SYTL2: variants seen among roughly 807,000 people sequenced by gnomAD.
SYTL2 encodes synaptotagmin like 2, also known as synaptotagmin-like protein 2.
A neutral mutation model predicts 198.7 loss-of-function variants in SYTL2; 165 were observed. The observed-to-expected ratio is 0.83, with a 90% confidence interval of 0.73 to 0.94. SYTL2 has a LOEUF of 0.94. Ranked by LOEUF, SYTL2 falls within the 40% of genes least tolerant of loss-of-function variation. The probability of loss-of-function intolerance (pLI) is 0.00; values close to 1 mark genes in which losing one functional copy is unlikely to be tolerated. For synonymous variants in SYTL2, 966 were observed against 917.7 expected, an observed-to-expected ratio of 1.05 and a Z score of -0.95; for missense variants, 2,835 against 2,582.8, an observed-to-expected ratio of 1.10 and a Z score of -2.12.
At chr11:85,800,671 G>T (rs1381520163) in intron 1 of SYTL2, among the ~76,000 whole-genome samples, 1 of 152,040 alleles carries the variant, frequency 6.6e-6, no homozygotes, top group East Asian at 1.9e-4. Context: ...GAGTGGACTT[G>T]GAAAAAGTAT....
chr11:85,748,099 G>T (rs2091280874), intron 3 of SYTL2, among the ~76,000 whole-genome samples, 173 bp downstream of exon 3: 1 of 152,128 alleles, frequency 6.6e-6, no homozygotes, highest in South Asian at 2.1e-4. Context: ...ACTTAGCTCT[G>T]CCCTCATCCA....
chr11:85,775,973 G>T (rs569805608), intron 1 of SYTL2, among the ~76,000 whole-genome samples: 33 of 152,158 alleles, frequency 2.2e-4, no homozygotes, highest in Non-Finnish European at 4.1e-4. Context: ...ATGGAGGTAC[G>T]GCCTAATGGC....
At chr11:85,825,001 G>A in the SYTL2 span, among the ~76,000 whole-genome samples, 1 of 152,230 alleles carries the variant, frequency 6.6e-6, no homozygotes, top group East Asian at 1.9e-4. Flanking sequence ...TGGATCATTA[G>A]TGCATTGCCC....
At chr11:85,744,295 A>G (rs2091003137) in intron 4 of SYTL2, among the ~76,000 whole-genome samples, 1 of 152,170 alleles carries the variant, frequency 6.6e-6, no homozygotes, top group South Asian at 2.1e-4. Flanking sequence ...TATTAATATT[A>G]TTGTTCCCAT....
At chr11:85,811,872 A>C (rs184360795), upstream of SYTL2, among the ~76,000 whole-genome samples, 2 of 152,144 alleles carry the variant, frequency 1.3e-5, no homozygotes, top group African/African-American at 4.8e-5. Flanking sequence ...AGGCCGAGGC[A>C]GGTGGATAAC....
At chr11:85,846,321 C>G in the SYTL2 span, among the ~76,000 whole-genome samples, 1 of 152,188 alleles carries the variant, frequency 6.6e-6, no homozygotes, top group African/African-American at 2.4e-5. Flanking sequence ...CTCTTGCTTA[C>G]AGTAGTCATA....
At position 85,725,350 on chromosome 11, in the gene SYTL2, A is replaced by G. The variant is rs758226715; in HGVS notation, c.4008T>C (p.Asp1336=). 9 of 1,613,850 alleles carry G rather than the reference A, an allele frequency of 5.6e-6. No individual in the cohort carries two copies. The highest frequency in any genetic ancestry group is 1.1e-5 in the South Asian group (1 of 91,062). Residue 1336 remains aspartate, a synonymous_variant, in exon 8 of 20, where the codon GAT becomes GAC. Coordinates refer to ENST00000359152, the MANE Select transcript of SYTL2 (RefSeq NM_206927.4). ...SPPQDMLFPQ[D]AHLVPQARVH... ...CCCTAGCCTGGGGAACAAGATGAGC[A>G]TCCTGGGGAAAAAGCATATCTTGGG...
chr11:85,734,447 A>G lies in SYTL2; in HGVS notation c.882T>C (p.Phe294=). 6.2e-7 allele frequency: 1 copy of G among 1,614,210 alleles called. No homozygotes were observed. Among genetic ancestry groups the G allele is most frequent in the Non-Finnish European group, 8.5e-7 (1 of 1,180,032 alleles). ...DSETLRYNHN[F]EPKSKIVSPG... The stretch of plus-strand genomic sequence containing the variant: ...GTGACACAATTTTGCTTTTGGGTTC[A>G]AAGTTGTGATTATAACGAAGGGTTT... The change falls in exon 7 of 20, where the codon TTT becomes TTC. Residue 294 remains phenylalanine (F), a synonymous_variant. Transcript: ENST00000359152.
chr11:85,774,378 G>C (rs1163760005), intron 1 of SYTL2, among the ~76,000 whole-genome samples: 2 of 152,144 alleles, frequency 1.3e-5, no homozygotes, highest in Non-Finnish European at 2.9e-5. Context: ...TTGCTTCCAA[G>C]TAACACAGTT....
rs139032989 is a variant in SYTL2 at position 85,758,022 on chromosome 11, A to C, written c.-297T>G. The C allele has an allele frequency of 1.8e-5, 6 of 327,710 alleles. No individual in the cohort carries two copies. Among genetic ancestry groups the C allele is most frequent in the African/African-American group, 1.2e-4 (6 of 48,012 alleles). The allele number at this position is 327,710 out of a possible 1,614,324, so 20.3% of individuals were successfully genotyped here. Reference sequence around the variant, plus strand: ...TTGTTCCTATGGTGGCTTCCAGCACACTCACTCTCTGGTCCAGTCTTAGAC... The same window carrying C: ...TTGTTCCTATGGTGGCTTCCAGCACCCTCACTCTCTGGTCCAGTCTTAGAC... On this transcript the variant is annotated 5_prime_UTR_variant, in exon 2 of 20. Coordinates refer to ENST00000359152, the MANE Select transcript of SYTL2 (RefSeq NM_206927.4).
upstream of SYTL2, among the ~76,000 whole-genome samples, chr11:85,813,855 T>G (rs1228566450): frequency 6.6e-6 from 1 of 152,152 alleles, no homozygotes; most frequent in African/African-American, 2.4e-5. Flanking sequence ...TCCAGGTAGC[T>G]GGGACTACAA....
chr11:85,780,699 A>C (rs923393755), intron 1 of SYTL2, among the ~76,000 whole-genome samples: 1 of 152,208 alleles, frequency 6.6e-6, no homozygotes, highest in Non-Finnish European at 1.5e-5. Context: ...CTTTATAATA[A>C]ACTGGTAAAT....
At chr11:85,770,278 T>C (rs2092328826) in intron 1 of SYTL2, among the ~76,000 whole-genome samples, 1 of 152,168 alleles carries the variant, frequency 6.6e-6, no homozygotes, top group Non-Finnish European at 1.5e-5. Context: ...AAACCAATCA[T>C]TGCCAGACTG....
At chr11:85,811,181 C>A (rs1181314397), upstream of SYTL2, 1 of 152,126 alleles carries the variant, frequency 6.6e-6, no homozygotes, top group Non-Finnish European at 1.5e-5. Context: ...TCCCCGCTAC[C>A]CCCGCCCCCG....
intron 11 of SYTL2, chr11:85,716,458 T>C (rs572117239): frequency 6.6e-6 from 1 of 152,290 alleles, no homozygotes; most frequent in African/African-American, 2.4e-5. Context: ...ATAAGCAAAG[T>C]TTCAGGTTTC....
In SYTL2 at chr11:85,789,396, AT is replaced by A. The variant is rs2092698251; in HGVS notation, c.-390+21557del. Among the ~76,000 whole-genome samples, 17 of 92,718 alleles carry A rather than the reference AT, an allele frequency of 1.8e-4. 2 individuals are homozygous for A. The highest frequency in any genetic ancestry group is 8.8e-4 in the African/African-American group (17 of 19,274). 60.8% of individuals were successfully genotyped at this position (92,718 alleles called of 152,430 possible). On this transcript the variant is annotated intron_variant, in intron 1 of 19. Transcript: ENST00000359152. The stretch of plus-strand genomic sequence containing the variant: ...TATATATGTATATATATATATATAT[AT>A]ATAATTTTTTTTTTTTTTGTAGAGA...
chr11:85,798,161 T>C (rs772582642), intron 1 of SYTL2, among the ~76,000 whole-genome samples: 11 of 152,132 alleles, frequency 7.2e-5, no homozygotes, highest in East Asian at 1.9e-4. Flanking sequence ...ACCCAGCCTA[T>C]ACCCACTGAT....
the SYTL2 span, among the ~76,000 whole-genome samples, chr11:85,845,368 G>A: frequency 6.6e-6 from 1 of 152,166 alleles, no homozygotes; most frequent in East Asian, 1.9e-4. Context: ...CAGAAACTGG[G>A]AGATAATAAA....
At chr11:85,795,291 T>C (rs888930849) in intron 1 of SYTL2, among the ~76,000 whole-genome samples, 9 of 152,078 alleles carry the variant, frequency 5.9e-5, no homozygotes, top group Admixed American at 2.6e-4. Context: ...TCTGAAATGA[T>C]GATGGCCTGG....
Sources: allele counts gnomAD v4.1 joint callset (sites outside exome capture counted in the v4.1 genomes callset), GRCh38; gene constraint gnomAD v4.1.1; transcripts MANE v1.5; gene names NCBI Gene and HGNC (gene_info 2026-07-23, HGNC 2026-07-21).